GTF2F2: variants seen among roughly 807,000 people sequenced by gnomAD.
GTF2F2 encodes the protein ATP-dependent helicase GTF2F2.
GTF2F2 carries 23 observed loss-of-function variants against 42.2 expected under a neutral mutation model. That is an observed-to-expected ratio of 0.55 (90% confidence interval 0.39 to 0.77). The LOEUF (loss-of-function observed/expected upper bound fraction) is 0.77, where lower values mean the gene tolerates loss of function less well. Among genes scored for constraint, GTF2F2 ranks in the 30% least tolerant of loss-of-function variants. GTF2F2 has a pLI of 0.00. For synonymous variants in GTF2F2, 105 were observed against 100.8 expected (o/e 1.04, Z -0.25); for missense variants, 261 against 287.2 (o/e 0.91, Z 0.66).
rs1423389227 is a variant in GTF2F2, at chr13:45,138,830, G to A, written c.140+2024G>A. On this transcript the variant is annotated intron_variant, in intron 2 of 7. Coordinates refer to ENST00000340473, the MANE Select transcript of GTF2F2 (RefSeq NM_004128.3). ...CTGACTAATTTTTGTATTTTTAGTA[G>A]AGACGGGGTTTCGCCATGTTGGCCA... 5.9e-5 allele frequency among the ~76,000 whole-genome samples: 9 copies of A among 152,298 alleles called. 1 individual carries two copies. The highest frequency in any genetic ancestry group is 2.2e-4 in the African/African-American group (9 of 41,556).
chr13:45,218,022 G>A (rs1873960900), intron 5 of GTF2F2, among the ~76,000 whole-genome samples: 1 of 152,196 alleles, frequency 6.6e-6, no homozygotes, highest in Admixed American at 6.5e-5. Flanking sequence ...TAGATTACCT[G>A]TTCAAGTAAT....
chr13:45,252,828 C>G, intron 5 of GTF2F2, 43 bp from the exon 6 acceptor site: 2 of 789,780 alleles, frequency 2.5e-6, no homozygotes, highest in Non-Finnish European at 4.2e-6. Context: ...ATATTTCACT[C>G]TGCTAAACAA....
chr13:45,158,167 G>A (rs868264361), intron 4 of GTF2F2, among the ~76,000 whole-genome samples: 2 of 152,202 alleles, frequency 1.3e-5, no homozygotes, highest in Admixed American at 6.5e-5. Flanking sequence ...CCCACATGTT[G>A]TGAGAGGGAC....
chr13:45,184,191 AT>A (rs1479337042), intron 4 of GTF2F2, among the ~76,000 whole-genome samples: 1 of 151,950 alleles, frequency 6.6e-6, no homozygotes, highest in Non-Finnish European at 1.5e-5. Flanking sequence ...ATTTCTTATA[AT>A]ACTGTAATAC....
chr13:45,269,302 A>C (rs1178124296), intron 7 of GTF2F2, among the ~76,000 whole-genome samples: 1 of 152,222 alleles, frequency 6.6e-6, no homozygotes, highest in Non-Finnish European at 1.5e-5. Flanking sequence ...TATTTTCTTC[A>C]GATGGATTTT....
intron 7 of GTF2F2, among the ~76,000 whole-genome samples, chr13:45,274,669 G>A (rs948226231): frequency 1.3e-5 from 2 of 152,086 alleles, no homozygotes; most frequent in Admixed American, 1.3e-4. Context: ...GGCCAGATGT[G>A]TTGGCTCATA....
intron 7 of GTF2F2, among the ~76,000 whole-genome samples, chr13:45,272,433 A>AAAC (rs1555273482): frequency 5.7e-5 from 8 of 141,100 alleles, no homozygotes; most frequent in African/African-American, 2.0e-4. Flanking sequence ...TTAAAAAAAA[A>AAAC]AAAAAAACAA....
chr13:45,200,736 C>T (rs1202754109), intron 4 of GTF2F2, among the ~76,000 whole-genome samples: 1 of 152,136 alleles, frequency 6.6e-6, no homozygotes. Context: ...CTCAGAACCA[C>T]AGGCAAAAAA....
intron 4 of GTF2F2, among the ~76,000 whole-genome samples, chr13:45,181,091 CA>C (rs1481237430): frequency 1.3e-5 from 2 of 150,938 alleles, no homozygotes; most frequent in Admixed American, 1.3e-4. Flanking sequence ...TGCCTGAACC[CA>C]GGAGGTGGAG....
chr13:45,167,472 A>G (rs545894675), intron 4 of GTF2F2, among the ~76,000 whole-genome samples: 5 of 143,204 alleles, frequency 3.5e-5, no homozygotes, highest in African/African-American at 5.3e-5. Context: ...ATCTCAGCTC[A>G]CTGCAACCTC....
chr13:45,272,430 A>G, intron 7 of GTF2F2, among the ~76,000 whole-genome samples: 1 of 142,858 alleles, frequency 7.0e-6, no homozygotes, highest in East Asian at 2.0e-4. Flanking sequence ...TCTTTAAAAA[A>G]AAAAAAAAAA....
chr13:45,225,864 C>G (rs1407829375), intron 5 of GTF2F2, among the ~76,000 whole-genome samples: 2 of 152,010 alleles, frequency 1.3e-5, no homozygotes, highest in African/African-American at 4.8e-5. Context: ...TTATTTGTTT[C>G]AATAAATTTT....
intron 2 of GTF2F2, among the ~76,000 whole-genome samples, chr13:45,140,370 G>T (rs1352031202): frequency 6.6e-6 from 1 of 152,184 alleles, no homozygotes; most frequent in African/African-American, 2.4e-5. Flanking sequence ...TATGTTCATA[G>T]TGGAGTCAGG....
At chr13:45,247,638 C>T (rs1442837868) in intron 5 of GTF2F2, among the ~76,000 whole-genome samples, 1 of 152,032 alleles carries the variant, frequency 6.6e-6, no homozygotes, top group Non-Finnish European at 1.5e-5. Context: ...ATCCACCTGC[C>T]TCAGCTTCCC....
intron 4 of GTF2F2, among the ~76,000 whole-genome samples, chr13:45,172,129 T>C (rs1241614365): frequency 2.0e-5 from 3 of 152,178 alleles, no homozygotes; most frequent in African/African-American, 4.8e-5. Context: ...GAGTGGAATG[T>C]AGTGTGTGAG....
At chr13:45,251,133 C>A (rs1438202858) in intron 5 of GTF2F2, among the ~76,000 whole-genome samples, 4 of 152,170 alleles carry the variant, frequency 2.6e-5, no homozygotes, top group African/African-American at 9.6e-5. Flanking sequence ...TTTTAGATTT[C>A]AAATTGAAAA....
chr13:45,236,091 A>G (rs1470286519), intron 5 of GTF2F2, among the ~76,000 whole-genome samples: 1 of 152,170 alleles, frequency 6.6e-6, no homozygotes, highest in Non-Finnish European at 1.5e-5. Context: ...TTTCCCAAGT[A>G]TTTCTAATCA....
At chr13:45,137,996 A>G (rs780168444) in intron 2 of GTF2F2, among the ~76,000 whole-genome samples, 6 of 152,146 alleles carry the variant, frequency 3.9e-5, no homozygotes, top group Non-Finnish European at 7.4e-5. Flanking sequence ...CCACGTCCAC[A>G]TTCCTAAATC....
rs114997073 is a variant in GTF2F2 at position 45,175,069 on chromosome 13, T to C, written c.304+23238T>C. On this transcript the variant is annotated intron_variant, in intron 4 of 7. Coordinates refer to ENST00000340473, the MANE Select transcript of GTF2F2 (RefSeq NM_004128.3). Reference sequence around the variant, plus strand: ...CTTATTTCTCCTATATAGCTGTAATTTTGCATCTGTTAGCCAGTCCCTCCT... The same window carrying C: ...CTTATTTCTCCTATATAGCTGTAATCTTGCATCTGTTAGCCAGTCCCTCCT... 8.9e-3 allele frequency among the ~76,000 whole-genome samples: 1,363 copies of C among 152,316 alleles called. 27 individuals carry two copies. Among genetic ancestry groups the C allele is most frequent in the African/African-American group, 0.031 (1,301 of 41,562 alleles).
Sources: gnomAD v4.1 joint callset for allele counts (sites outside exome capture counted in the v4.1 genomes callset) on GRCh38, gnomAD v4.1.1 for gene constraint, MANE v1.5 for transcripts, NCBI Gene and HGNC (gene_info 2026-07-23, HGNC 2026-07-21) for gene names.